Variants in DSG2 observed in about 807,000 individuals in gnomAD.
The protein encoded by DSG2 is desmoglein 2.
Under a neutral mutation model 75.6 loss-of-function variants are expected in DSG2, and 45 were observed. The ratio of observed to expected loss-of-function variants is 0.60; its 90% CI spans 0.47 to 0.76. The LOEUF is 0.76. Among genes scored for constraint, DSG2 ranks in the 30% least tolerant of loss-of-function variants. The probability of loss-of-function intolerance (pLI) is 0.00; values close to 1 mark genes in which losing one functional copy is unlikely to be tolerated. For missense variants in DSG2, 1,267 were observed against 1,357.4 expected (o/e 0.93, Z 1.05); for synonymous variants, 429 against 483.9 (o/e 0.89, Z 1.49).
At chr18:31,538,393 G>GT (rs55812537) in intron 11 of DSG2, among the ~76,000 whole-genome samples, 19,188 of 151,422 alleles carry the variant, frequency 0.13, 1,371 homozygotes, top group African/African-American at 0.2. Context: ...CCTTAATGAA[G>GT]TTTTTTTTTA....
intron 6 of DSG2, among the ~76,000 whole-genome samples, chr18:31,523,056 T>C (rs1048169078): frequency 3.3e-5 from 5 of 152,212 alleles, no homozygotes; most frequent in Non-Finnish European, 2.9e-5. Flanking sequence ...AAGTACACTC[T>C]TTGTCATCAG....
At chr18:31,502,666 G>T (rs538489253) in intron 1 of DSG2, among the ~76,000 whole-genome samples, 1 of 151,978 alleles carries the variant, frequency 6.6e-6, no homozygotes, top group East Asian at 1.9e-4. Context: ...CAGGAGAATC[G>T]CTTGAACCTG....
intron 6 of DSG2, 49 bp downstream of exon 6, chr18:31,522,298 A>G: frequency 6.5e-7 from 1 of 1,535,986 alleles, no homozygotes; most frequent in Non-Finnish European, 9.0e-7. Context: ...TATCCTTTCC[A>G]GTTTCTCCTC....
At chr18:31,500,583 T>C (rs1387231621) in intron 1 of DSG2, among the ~76,000 whole-genome samples, 1 of 152,134 alleles carries the variant, frequency 6.6e-6, no homozygotes, top group Admixed American at 6.5e-5. Context: ...TTCACTTCCT[T>C]CTTTCAAATC....
chr18:31,509,405 C>CA (rs1225867620), intron 1 of DSG2, among the ~76,000 whole-genome samples: 1 of 143,926 alleles, frequency 6.9e-6, no homozygotes, highest in Non-Finnish European at 1.5e-5. Context: ...ATTCAGAGTT[C>CA]AAAAATTAAA....
chr18:31,544,083 A>G (rs1038599149), intron 14 of DSG2, among the ~76,000 whole-genome samples: 2 of 152,196 alleles, frequency 1.3e-5, no homozygotes, highest in African/African-American at 4.8e-5. Flanking sequence ...TGATAGTTGG[A>G]GAGTTCAACC....
intron 1 of DSG2, among the ~76,000 whole-genome samples, chr18:31,515,849 A>G (rs2073091511): frequency 6.6e-6 from 1 of 152,248 alleles, no homozygotes; most frequent in South Asian, 2.1e-4. Flanking sequence ...TGGACCCTAC[A>G]GGAAGCTTTC....
At chr18:31,517,140 A>G (rs555402489) in intron 1 of DSG2, among the ~76,000 whole-genome samples, 76 of 152,330 alleles carry the variant, frequency 5.0e-4, no homozygotes, top group Admixed American at 4.9e-3. Context: ...AGTGGAGGTC[A>G]TTATGTTAAC....
At chr18:31,508,924 C>A (rs2073052789) in intron 1 of DSG2, among the ~76,000 whole-genome samples, 1 of 152,122 alleles carries the variant, frequency 6.6e-6, no homozygotes, top group Non-Finnish European at 1.5e-5. Context: ...TGGACCCCAT[C>A]CAGACCTACT....
At chr18:31,533,290 A>C (rs1361021124) in intron 9 of DSG2, among the ~76,000 whole-genome samples, 1 of 152,112 alleles carries the variant, frequency 6.6e-6, no homozygotes, top group African/African-American at 2.4e-5. Flanking sequence ...GCAACACAGC[A>C]AGACCTTGTC....
Position 31,498,239 on chromosome 18 carries a change from A to C in DSG2, c.-13A>C. On this transcript the variant is annotated 5_prime_UTR_variant, in exon 1 of 15. Coordinates refer to ENST00000261590, the MANE Select transcript of DSG2 (RefSeq NM_001943.5). ...GGAGCGGTGCGGCGGCGGGAGGCGG[A>C]GGCGAGGGTGCGATGGCGCGGAGCC... 1 of 1,253,908 alleles carries C rather than the reference A, an allele frequency of 8.0e-7. No homozygotes were observed. Among genetic ancestry groups the C allele is most frequent in the Non-Finnish European group, 1.0e-6 (1 of 996,260 alleles). The allele number at this position is 1,253,908 out of a possible 1,614,324, so 77.7% of individuals were successfully genotyped here. A position where few individuals can be genotyped will look rare whatever the true frequency, so the allele number is the denominator to read the frequency against.
At position 31,538,936 on chromosome 18, in the gene DSG2, G is replaced by A. The variant is rs368257724; in HGVS notation, c.1837G>A (p.Ala613Thr). The change falls in exon 12 of 15, where the codon GCA (alanine) becomes ACA (threonine). Residue 613 changes from alanine (A) to threonine (T), a missense_variant. Ala to Thr is a moderately conservative substitution (Grantham distance 58, BLOSUM62 0). Transcript: ENST00000261590. ...QHDSYVGLGPAAIALMILAFL... is the reference protein window; with the variant it reads ...QHDSYVGLGPTAIALMILAFL... ...TGACTCCTATGTGGGCCTGGGACCC[G>A]CAGCAATTGCGCTCATGATTTTGGC... 22 of 1,613,886 alleles carry A rather than the reference G, an allele frequency of 1.4e-5. No homozygotes were observed. The highest frequency in any genetic ancestry group is 6.7e-5 in the African/African-American group (5 of 74,920).
At chr18:31,526,957 C>A (rs1204855813) in intron 8 of DSG2, among the ~76,000 whole-genome samples, 1 of 152,012 alleles carries the variant, frequency 6.6e-6, no homozygotes, top group South Asian at 2.1e-4. Context: ...AAGAAAGTTT[C>A]ATTTTTTTTT....
In DSG2 at chr18:31,546,379, G is replaced by T; in HGVS notation, c.2993G>T (p.Gly998Val). Reference sequence around the variant, plus strand: ...AGAGTAATACAGCCTCATGGGGGTGGATCGAATCCTCTGGAAGGCACTCAG... The same window carrying T: ...AGAGTAATACAGCCTCATGGGGGTGTATCGAATCCTCTGGAAGGCACTCAG... ...TERVIQPHGGGSNPLEGTQHL... is the reference protein window; with the variant it reads ...TERVIQPHGGVSNPLEGTQHL... The change falls in exon 15 of 15, where the codon GGA becomes GTA. Residue 998 changes from glycine to valine, a missense_variant. Coordinates refer to ENST00000261590, the MANE Select transcript of DSG2 (RefSeq NM_001943.5). The T allele has an allele frequency of 1.9e-6, 3 of 1,614,124 alleles. No homozygotes were observed. The highest frequency in any genetic ancestry group is 2.5e-6 in the Non-Finnish European group (3 of 1,179,990).
chr18:31,542,887 T>TG (rs748989800), intron 14 of DSG2, 35 bp downstream of exon 14: 1 of 285,220 alleles, frequency 3.5e-6, no homozygotes, highest in Non-Finnish European at 6.0e-6. Context: ...TGGTGGGGGG[T>TG]GGGGGGAACA....
At chr18:31,502,771 GGGAAGAAAGGAAGGGAGGGA>G (rs1174460051) in intron 1 of DSG2, among the ~76,000 whole-genome samples, 1 of 150,750 alleles carries the variant, frequency 6.6e-6, no homozygotes, top group Non-Finnish European at 1.5e-5. Context: ...GAAGGAAGGA[GGGAAGAAAGGAAGGGAGGGA>G]GGGAGGAAGG....
Position 31,538,296 on chromosome 18 carries a change from A to G in DSG2, c.1652-455A>G, listed in dbSNP as rs936711351. Reference sequence around the variant, plus strand: ...AAAAGAAGGGACTAGAGAAAACAAGATCAGCCCATCATTGAAAATGATTAA... The same window carrying G: ...AAAAGAAGGGACTAGAGAAAACAAGGTCAGCCCATCATTGAAAATGATTAA... On this transcript the variant is annotated intron_variant, in intron 11 of 14. Transcript: ENST00000261590. Among the ~76,000 whole-genome samples the G allele has an allele frequency of 2.0e-5, 3 of 152,196 alleles. No homozygotes were observed. The East Asian group carries it at 5.8e-4, about 29-fold the overall frequency.
chr18:31,512,302 T>C (rs2073071661), intron 1 of DSG2, among the ~76,000 whole-genome samples: 1 of 152,204 alleles, frequency 6.6e-6, no homozygotes, highest in African/African-American at 2.4e-5. Context: ...CTAAGGGTCA[T>C]CTATATTTGC....
chr18:31,511,170 G>A (rs2073064291), intron 1 of DSG2, among the ~76,000 whole-genome samples: 1 of 152,168 alleles, frequency 6.6e-6, no homozygotes, highest in Admixed American at 6.5e-5. Context: ...TCCAATCAGA[G>A]AAACGCAGCC....
Sources: allele counts gnomAD v4.1 joint callset (sites outside exome capture counted in the v4.1 genomes callset), GRCh38; gene constraint gnomAD v4.1.1; transcripts MANE v1.5; gene names NCBI Gene and HGNC (gene_info 2026-07-23, HGNC 2026-07-21).